Variants in SOX13 observed in about 807,000 individuals in gnomAD.
The protein encoded by SOX13 is transcription factor SOX-13.
SOX13 carries 28 observed loss-of-function variants against 71.8 expected under a neutral mutation model. The observed-to-expected ratio is 0.39, with a 90% CI of 0.29 to 0.53. The LOEUF (loss-of-function observed/expected upper bound fraction) is 0.53. SOX13 is among the 20% of genes least tolerant of loss of function. The pLI is 0.70. For missense variants in SOX13, 627 were observed against 810.3 expected (o/e 0.77, Z 2.75); for synonymous variants, 309 against 317.8 (o/e 0.97, Z 0.29).
chr1:204,100,699 G>T (rs529063069), intron 1 of SOX13, among the ~76,000 whole-genome samples: 1 of 152,090 alleles, frequency 6.6e-6, no homozygotes, highest in Admixed American at 6.6e-5. Context: ...GAGAGAAAAA[G>T]AACGGAACGC....
chr1:204,110,931 A>G (rs1656569501), intron 1 of SOX13, among the ~76,000 whole-genome samples: 1 of 152,128 alleles, frequency 6.6e-6, no homozygotes, highest in African/African-American at 2.4e-5. Context: ...AAATGTATTT[A>G]ACAGTGCTTT....
At chr1:204,121,181 T>A (rs1278070558) in intron 7 of SOX13, among the ~76,000 whole-genome samples, 1 of 152,126 alleles carries the variant, frequency 6.6e-6, no homozygotes, top group Non-Finnish European at 1.5e-5. Context: ...GGTTTCACCA[T>A]GTTGGTCATG....
intron 1 of SOX13, among the ~76,000 whole-genome samples, chr1:204,089,374 A>T (rs1656093975): frequency 6.6e-6 from 1 of 152,186 alleles, no homozygotes; most frequent in African/African-American, 2.4e-5. Context: ...GGGGAGCAGG[A>T]TGAATGGGCT....
intron 12 of SOX13, 148 bp from the exon 13 acceptor site, chr1:204,124,493 C>G: frequency 1.5e-6 from 1 of 670,298 alleles, no homozygotes; most frequent in Non-Finnish European, 2.6e-6. Context: ...AAGGAGCACC[C>G]GTATCGGGCC....
chr1:204,110,671 T>G (rs559440478), intron 1 of SOX13, among the ~76,000 whole-genome samples: 9 of 152,156 alleles, frequency 5.9e-5, no homozygotes, highest in Non-Finnish European at 1.3e-4. Context: ...TTATAATGCT[T>G]ATTTAAAATA....
At chr1:204,105,174 C>T (rs368675853) in intron 1 of SOX13, among the ~76,000 whole-genome samples, 15 of 152,244 alleles carry the variant, frequency 9.9e-5, no homozygotes, top group South Asian at 2.1e-4. Context: ...TTGGGGGCCT[C>T]GGGGCCTGGT....
chr1:204,093,331 T>G (rs1251836261), intron 1 of SOX13, among the ~76,000 whole-genome samples: 1 of 152,256 alleles, frequency 6.6e-6, no homozygotes, highest in Non-Finnish European at 1.5e-5. Flanking sequence ...AGGATTGATT[T>G]CTGTGAAATC....
chr1:204,087,062 T>G (rs1001556032), intron 1 of SOX13, among the ~76,000 whole-genome samples: 1 of 152,192 alleles, frequency 6.6e-6, no homozygotes, highest in Non-Finnish European at 1.5e-5. Flanking sequence ...AAGCTGGGAC[T>G]ACAGGCACCC....
At chr1:204,098,116 C>T (rs1205543805) in intron 1 of SOX13, among the ~76,000 whole-genome samples, 1 of 152,240 alleles carries the variant, frequency 6.6e-6, no homozygotes, top group Non-Finnish European at 1.5e-5. Flanking sequence ...CCACCTCGAC[C>T]TTCCAAAGTG....
At chr1:204,122,988 C>T (rs372505096) in intron 10 of SOX13, 25 bp downstream of exon 10, 78 of 1,534,398 alleles carry the variant, frequency 5.1e-5, no homozygotes, top group Non-Finnish European at 6.7e-5. Flanking sequence ...TCCCTTGAGC[C>T]TAGGGGCAGC....
chr1:204,086,359 A>G (rs1409588006), intron 1 of SOX13, among the ~76,000 whole-genome samples: 1 of 152,162 alleles, frequency 6.6e-6, no homozygotes, highest in African/African-American at 2.4e-5. Context: ...GCTGGAATGC[A>G]GTGGCGCGAT....
intron 1 of SOX13, among the ~76,000 whole-genome samples, chr1:204,092,262 G>A (rs1287994937): frequency 3.3e-5 from 5 of 151,870 alleles, no homozygotes; most frequent in African/African-American, 1.2e-4. Flanking sequence ...GTCTGCCTTG[G>A]TCTCCTGAAG....
intron 1 of SOX13, among the ~76,000 whole-genome samples, chr1:204,092,262 G>T (rs1287994937): frequency 6.6e-6 from 1 of 151,870 alleles, no homozygotes; most frequent in African/African-American, 2.4e-5. Context: ...GTCTGCCTTG[G>T]TCTCCTGAAG....
chr1:204,084,164 G>A (rs1233334302), intron 1 of SOX13, among the ~76,000 whole-genome samples: 1 of 152,168 alleles, frequency 6.6e-6, no homozygotes, highest in Admixed American at 6.5e-5. Context: ...TCAGCTACAA[G>A]TCGTGTGTGC....
intron 1 of SOX13, 90 bp from the exon 2 acceptor site, chr1:204,112,825 G>T: frequency 2.0e-6 from 2 of 1,021,838 alleles, no homozygotes; most frequent in South Asian, 1.7e-5. Context: ...GCACTTGGGT[G>T]GGGTCAGGGG....
Position 204,121,864 on chromosome 1 carries a change from C to T in SOX13, c.776-36C>T, listed in dbSNP as rs575937954. ...AGCAGGGTGTCTGCTGTTCTGTGCT[C>T]ATCCAGGACTTTTCTCCTTGCTGCC... On this transcript the variant is annotated intron_variant, in intron 7 of 13. Coordinates refer to ENST00000367204, the MANE Select transcript of SOX13 (RefSeq NM_005686.3). The T allele has an allele frequency of 4.2e-6, 6 of 1,428,966 alleles. No homozygotes were observed. In the East Asian group the frequency reaches 9.1e-5, roughly 22 times the overall value. The allele number at this position is 1,428,966 out of a possible 1,614,324, so 88.5% of individuals were successfully genotyped here. A position where few individuals can be genotyped will look rare whatever the true frequency, so the allele number is the denominator to read the frequency against.
chr1:204,093,487 G>T (rs979406420), intron 1 of SOX13, among the ~76,000 whole-genome samples: 4 of 152,232 alleles, frequency 2.6e-5, no homozygotes, highest in Non-Finnish European at 5.9e-5. Flanking sequence ...GATGATGCCT[G>T]TGGGGCCTGA....
At position 204,081,966 on chromosome 1, in the gene SOX13, G is replaced by T. The variant is rs906378376; in HGVS notation, c.-2+8255G>T. ...TGGCTCAGAGGCAGGTGGGGTGAGG[G>T]CAGTGGGGCTTGAATAGGGCGCTGT... On this transcript the variant is annotated intron_variant, in intron 1 of 13. Coordinates refer to ENST00000367204, the MANE Select transcript of SOX13 (RefSeq NM_005686.3). This position sits in a 1 kb window ranked among gnomAD's most constrained non-coding sequence, Gnocchi z 4.3. 6.6e-6 allele frequency among the ~76,000 whole-genome samples: 1 copy of T among 152,062 alleles called. No homozygotes were observed. The highest frequency in any genetic ancestry group is 2.4e-5 in the African/African-American group (1 of 41,384).
At chr1:204,084,892 T>C (rs1407435342) in intron 1 of SOX13, among the ~76,000 whole-genome samples, 1 of 152,194 alleles carries the variant, frequency 6.6e-6, no homozygotes, top group Non-Finnish European at 1.5e-5. Flanking sequence ...CCACCAGCCC[T>C]GAGGTCTCTG....
Sources: allele counts gnomAD v4.1 joint callset (sites outside exome capture counted in the v4.1 genomes callset), GRCh38; gene constraint gnomAD v4.1.1; non-coding constraint Gnocchi (gnomAD v3.1); transcripts MANE v1.5; gene names NCBI Gene and HGNC (gene_info 2026-07-23, HGNC 2026-07-21).